The following SEC63 variants were observed in gnomAD, a reference collection of about 807,000 sequenced individuals.
SEC63 encodes SEC63 protein translocation regulator.
A neutral mutation model predicts 116.2 loss-of-function variants in SEC63; 56 were observed. That is an observed-to-expected ratio of 0.48 (90% CI 0.39 to 0.60). The LOEUF (loss-of-function observed/expected upper bound fraction) is 0.60. Among genes scored for constraint, SEC63 ranks in the 20% least tolerant of loss-of-function variants. The pLI, the probability that SEC63 is intolerant of heterozygous loss-of-function variation, is 0.00. For missense variants in SEC63, 668 were observed against 900.0 expected (o/e 0.74, Z 3.30); for synonymous variants, 273 against 294.6 (o/e 0.93, Z 0.75).
At chr6:107,922,924 T>C (rs757924647) in intron 3 of SEC63, among the ~76,000 whole-genome samples, 3 of 151,986 alleles carry the variant, frequency 2.0e-5, no homozygotes, top group Admixed American at 1.3e-4. Context: ...GAGCACTAGA[T>C]TGAGCTTGGC....
intron 2 of SEC63, among the ~76,000 whole-genome samples, chr6:107,928,069 C>T (rs1787716679): frequency 1.3e-5 from 2 of 152,034 alleles, no homozygotes; most frequent in Non-Finnish European, 2.9e-5. Context: ...TGAGAACCAA[C>T]AGTAAAGAAT....
intron 1 of SEC63, chr6:107,957,368 G>C (rs1583786810): frequency 6.6e-6 from 1 of 152,340 alleles, no homozygotes; most frequent in East Asian, 1.9e-4. Flanking sequence ...GACGGGGGTA[G>C]GCGGTGGAAA....
At chr6:107,912,818 A>G in intron 5 of SEC63, 44 bp from the exon 6 acceptor site, 3 of 1,361,356 alleles carry the variant, frequency 2.2e-6, no homozygotes, top group Non-Finnish European at 3.1e-6. Flanking sequence ...CTCTACTTTC[A>G]GTTTTAATAA....
At chr6:107,893,455 T>TAAC in intron 16 of SEC63, 27 bp downstream of exon 16, 1 of 1,600,310 alleles carries the variant, frequency 6.2e-7, no homozygotes, top group Non-Finnish European at 8.5e-7. Flanking sequence ...AGCTTAATAA[T>TAAC]GATAATAACG....
At position 107,901,456 on chromosome 6, in the gene SEC63, A is replaced by G; in HGVS notation, c.1271T>C (p.Leu424Pro). 6.2e-7 allele frequency: 1 copy of G among 1,611,382 alleles called. No homozygotes were observed. The highest frequency in any genetic ancestry group is 8.5e-7 in the Non-Finnish European group (1 of 1,177,666). Reference sequence around the variant, plus strand: ...ATATTTTTCATCTTCAAGGAAGTGCAGTAGAGTGTGACGATCTGATTCTTT... The same window carrying G: ...ATATTTTTCATCTTCAAGGAAGTGCGGTAGAGTGTGACGATCTGATTCTTT... ...SLKESDRHTLLHFLEDEKYEE... is the reference protein window; with the variant it reads ...SLKESDRHTLPHFLEDEKYEE... Residue 424 changes from leucine to proline, a missense_variant, in exon 13 of 21, where the codon CTG (leucine) becomes CCG (proline). Leu to Pro is a moderately conservative substitution (Grantham distance 98). Around this residue, in one of 5 missense-constraint regions of SEC63, gnomAD observed 430 missense variants for 557.5 expected, o/e 0.77. Coordinates refer to ENST00000369002, the MANE Select transcript of SEC63 (RefSeq NM_007214.5).
intron 16 of SEC63, among the ~76,000 whole-genome samples, chr6:107,893,107 TACACACACAC>T (rs55814816): frequency 0.29 from 42,940 of 145,696 alleles, 6,941 homozygotes; most frequent in Non-Finnish European, 0.38. Flanking sequence ...TGAAATACTA[TACACACACAC>T]ACACACACAC....
intron 1 of SEC63, among the ~76,000 whole-genome samples, chr6:107,941,002 A>T (rs1323720673): frequency 1.3e-5 from 2 of 152,168 alleles, no homozygotes; most frequent in Non-Finnish European, 1.5e-5. Flanking sequence ...TAAAACAAAG[A>T]GAAAGTGGAA....
intron 10 of SEC63, among the ~76,000 whole-genome samples, chr6:107,905,322 T>C (rs916382405): frequency 2.0e-5 from 3 of 152,184 alleles, no homozygotes; most frequent in Non-Finnish European, 2.9e-5. Context: ...TCCAATGATA[T>C]TGCCTAAATA....
In SEC63 at chr6:107,929,520, A is replaced by C. The variant is rs766022208; in HGVS notation, c.125-6T>G. 1.3e-6 allele frequency: 2 copies of C among 1,516,170 alleles called. No individual in the cohort carries two copies. The allele number at this position is 1,516,170 out of a possible 1,614,324, so 93.9% of individuals were successfully genotyped here. On this transcript the variant is annotated splice_region_variant and splice_polypyrimidine_tract_variant and intron_variant, in intron 1 of 20. Coordinates refer to ENST00000369002, the MANE Select transcript of SEC63 (RefSeq NM_007214.5). ...ATTCTTTAATCGAATTTGCTCTGTC[A>C]AGAAAGAAAAATAAGATGAATTAAA...
At chr6:107,955,484 G>T (rs1041266317) in intron 1 of SEC63, among the ~76,000 whole-genome samples, 3 of 152,190 alleles carry the variant, frequency 2.0e-5, no homozygotes, top group African/African-American at 7.2e-5. Context: ...TTTTTAAGAA[G>T]ATTAAATAAA....
At chr6:107,911,519 G>T in intron 6 of SEC63, 123 bp from the exon 7 acceptor site, 1 of 717,668 alleles carries the variant, frequency 1.4e-6, no homozygotes. Context: ...GTATTATCTT[G>T]TTTAATCCTT....
chr6:107,934,977 G>A (rs1465019083), intron 1 of SEC63, among the ~76,000 whole-genome samples: 56 of 113,622 alleles, frequency 4.9e-4, no homozygotes, highest in East Asian at 4.7e-3. Context: ...CAGCCGCCCC[G>A]TCCGGCAGGG....
chr6:107,935,998 GTATTT>G (rs1344625880), intron 1 of SEC63, among the ~76,000 whole-genome samples: 2 of 152,108 alleles, frequency 1.3e-5, no homozygotes, highest in Non-Finnish European at 2.9e-5. Context: ...TTTTAAATAT[GTATTT>G]TATTAAATTA....
chr6:107,908,669 G>C (rs1787208007), intron 8 of SEC63, among the ~76,000 whole-genome samples: 1 of 152,060 alleles, frequency 6.6e-6, no homozygotes, highest in South Asian at 2.1e-4. Flanking sequence ...ATGTTAGCTA[G>C]AATTACAAAA....
intron 1 of SEC63, among the ~76,000 whole-genome samples, chr6:107,945,540 G>A (rs1456498693): frequency 7.9e-5 from 12 of 151,770 alleles, no homozygotes; most frequent in African/African-American, 1.7e-4. Flanking sequence ...TCTTGACCTC[G>A]TGATCCACCC....
chr6:107,956,030 A>G, intron 1 of SEC63: 1 of 416,632 alleles, frequency 2.4e-6, no homozygotes, highest in South Asian at 1.7e-5. Flanking sequence ...CTGTAAGGCC[A>G]GCTACTCGGG....
At position 107,921,780 on chromosome 6, in the gene SEC63, T is replaced by G. The variant is rs1025499126; in HGVS notation, c.452+17A>C. On this transcript the variant is annotated intron_variant, in intron 4 of 20. Transcript: ENST00000369002. Reference sequence around the variant, plus strand: ...CTGTACCATTCTTAAAAATTTGTAATGGATCCTGATACTTACGCAGCATAA... The same window carrying G: ...CTGTACCATTCTTAAAAATTTGTAAGGGATCCTGATACTTACGCAGCATAA... The G allele has an allele frequency of 6.7e-7, 1 of 1,490,506 alleles. No homozygotes were observed. The highest frequency in any genetic ancestry group is 9.4e-7 in the Non-Finnish European group (1 of 1,067,500). 92.3% of individuals were successfully genotyped at this position (1,490,506 alleles called of 1,614,324 possible).
chr6:107,874,423 T>C (rs143164415), intron 19 of SEC63, among the ~76,000 whole-genome samples: 4,159 of 151,406 alleles, frequency 0.027, 182 homozygotes, highest in African/African-American at 0.095. Context: ...TGAAACCCCG[T>C]CTCTACTAAA....
intron 4 of SEC63, among the ~76,000 whole-genome samples, chr6:107,919,046 GA>G (rs572427292): frequency 1.8e-4 from 28 of 151,794 alleles, no homozygotes; most frequent in Middle Eastern, 3.4e-3. Flanking sequence ...AAGTAGCTGG[GA>G]TTACAGGCAT....
Sources: allele counts gnomAD v4.1 joint callset (sites outside exome capture counted in the v4.1 genomes callset), GRCh38; gene constraint gnomAD v4.1.1; regional missense constraint gnomAD v4.1.1; transcripts MANE v1.5; gene names NCBI Gene and HGNC (gene_info 2026-07-23, HGNC 2026-07-21).